Variants in TEX2 observed in about 807,000 individuals in gnomAD.
The protein encoded by TEX2 is testis expressed 2.
In TEX2, 53 loss-of-function variants were observed where a neutral mutation model predicts 106.9. The ratio of observed to expected loss-of-function variants is 0.50; its 90% CI spans 0.40 to 0.62. The LOEUF (loss-of-function observed/expected upper bound fraction) is 0.62, where lower values mean the gene tolerates loss of function less well. Ranked by LOEUF, TEX2 falls within the 20% of genes least tolerant of loss-of-function variation. The pLI is 0.00. For synonymous variants in TEX2, 523 were observed against 534.8 expected (o/e 0.98, Z 0.30); for missense variants, 1,207 against 1,379.0 (o/e 0.88, Z 1.98).
intron 1 of TEX2, among the ~76,000 whole-genome samples, chr17:64,259,929 A>C (rs1404322121): frequency 6.6e-6 from 1 of 152,238 alleles, no homozygotes; most frequent in African/African-American, 2.4e-5. Flanking sequence ...AGGAATGTTA[A>C]CATTACATAA....
Position 64,213,816 on chromosome 17 carries a change from C to G in TEX2, c.402G>C (p.Val134=). Residue 134 remains valine, a synonymous_variant, in exon 2 of 12, where the codon GTG becomes GTC. Transcript: ENST00000584379. This position sits in a 1 kb window ranked among gnomAD's most constrained non-coding sequence, Gnocchi z 4.4. ...GCCCCGACGAAGACGACCCTGGGGA[C>G]ACAGCCAATGGCACTGTACTTAATA... is the stretch of plus-strand genomic sequence containing the variant. ...AQVLSTVPLA[V]SPGSSSSGPL... 2 of 1,614,206 alleles carry G rather than the reference C, an allele frequency of 1.2e-6. No individual in the cohort carries two copies.
At chr17:64,190,639 C>G (rs1431049726) in intron 4 of TEX2, among the ~76,000 whole-genome samples, 1 of 152,186 alleles carries the variant, frequency 6.6e-6, no homozygotes. Flanking sequence ...AGTCAAGGAC[C>G]TTCCTGTGCA....
chr17:64,253,134 T>C (rs892999519), intron 1 of TEX2, among the ~76,000 whole-genome samples: 4 of 152,126 alleles, frequency 2.6e-5, no homozygotes, highest in Admixed American at 1.3e-4. Context: ...TGTGACATGA[T>C]GATGTTAGAA....
intron 1 of TEX2, among the ~76,000 whole-genome samples, chr17:64,216,310 C>T (rs1157996395): frequency 6.6e-6 from 1 of 151,860 alleles, no homozygotes; most frequent in Non-Finnish European, 1.5e-5. Flanking sequence ...TTTATAAGGG[C>T]AATTTAAAAA....
At chr17:64,252,365 T>C (rs1335246697) in intron 1 of TEX2, among the ~76,000 whole-genome samples, 1 of 151,960 alleles carries the variant, frequency 6.6e-6, no homozygotes, top group African/African-American at 2.4e-5. Flanking sequence ...CAGGCTGGAG[T>C]GCAGTGGCAC....
intron 2 of TEX2, among the ~76,000 whole-genome samples, chr17:64,202,459 C>G (rs959286572): frequency 6.6e-6 from 1 of 152,162 alleles, no homozygotes; most frequent in Non-Finnish European, 1.5e-5. Flanking sequence ...CCGGTGCAAA[C>G]CTAATCACCT....
intron 7 of TEX2, among the ~76,000 whole-genome samples, chr17:64,165,535 C>T (rs1216835888): frequency 6.6e-6 from 1 of 152,274 alleles, no homozygotes; most frequent in Admixed American, 6.5e-5. Context: ...ATGGCCCTGC[C>T]TTGGTGCTCA....
intron 8 of TEX2, among the ~76,000 whole-genome samples, chr17:64,157,121 T>C (rs1296164583): frequency 3.9e-5 from 6 of 152,238 alleles, no homozygotes; most frequent in Non-Finnish European, 7.3e-5. Context: ...ATTATAAGTG[T>C]AGCCCAGTGT....
At chr17:64,191,516 AT>A (rs1428644513) in intron 4 of TEX2, among the ~76,000 whole-genome samples, 6 of 152,192 alleles carry the variant, frequency 3.9e-5, no homozygotes, top group Non-Finnish European at 5.9e-5. Flanking sequence ...TAGTAGTCAC[AT>A]TTAAAAATGT....
intron 1 of TEX2, among the ~76,000 whole-genome samples, chr17:64,238,129 G>A (rs762822336): frequency 2.4e-4 from 37 of 151,986 alleles, no homozygotes; most frequent in Non-Finnish European, 1.3e-4. Flanking sequence ...GTGAAACCCC[G>A]TCTCTACTAA....
intron 5 of TEX2, among the ~76,000 whole-genome samples, chr17:64,184,655 G>T (rs1366494899): frequency 6.6e-6 from 1 of 152,104 alleles, no homozygotes; most frequent in Non-Finnish European, 1.5e-5. Context: ...TAGTATCTTA[G>T]CTAAGAAGGT....
chr17:64,193,824 G>A lies in TEX2; in HGVS notation c.1911C>T (p.Ile637=), dbSNP rs144884487. 53 of 1,597,472 alleles carry A rather than the reference G, an allele frequency of 3.3e-5. 1 individual carries two copies. The Middle Eastern group carries it at 5.0e-4, about 15-fold the overall frequency. ...RIWNKKYPIC[I]ELGQQDDFMS... is the part of the protein sequence containing the mutation. ...TAAAGTCATCTTGCTGACCAAGCTC[G>A]ATACAAATGGGGTACTTTTTATTCC... is the stretch of plus-strand genomic sequence containing the variant. Residue 637 remains isoleucine (I), a synonymous_variant, in exon 4 of 12, where the codon ATC becomes ATT. Transcript: ENST00000584379.
rs1432392327 is a variant in TEX2, at chr17:64,185,068, C to G, written c.2424+3100G>C. Among the ~76,000 whole-genome samples the G allele has an allele frequency of 6.6e-6, 1 of 152,148 alleles. No individual in the cohort carries two copies. The highest frequency in any genetic ancestry group is 1.5e-5 in the Non-Finnish European group (1 of 68,036). On this transcript the variant is annotated intron_variant, in intron 5 of 11. Transcript: ENST00000584379. The surrounding 1 kb of genome is among the most constrained non-coding windows in gnomAD (Gnocchi z 4.0). ...GGTTTCTATTTGACTCCTATTTGCT[C>G]TGTAACATTCTCATCTTCTGATAAC... is the stretch of plus-strand genomic sequence containing the variant.
At chr17:64,167,048 C>A (rs2031171662) in intron 7 of TEX2, among the ~76,000 whole-genome samples, 1 of 152,122 alleles carries the variant, frequency 6.6e-6, no homozygotes, top group Admixed American at 6.5e-5. Context: ...AGGAGCACAG[C>A]CAGTTTCTAA....
chr17:64,180,362 T>TG (rs1325769733), intron 5 of TEX2, among the ~76,000 whole-genome samples: 7 of 152,332 alleles, frequency 4.6e-5, no homozygotes, highest in Admixed American at 4.6e-4. Flanking sequence ...TCCAAGCCAA[T>TG]GGCATATGAT....
At chr17:64,209,540 C>G (rs1461842737) in intron 2 of TEX2, among the ~76,000 whole-genome samples, 1 of 152,226 alleles carries the variant, frequency 6.6e-6, no homozygotes, top group Non-Finnish European at 1.5e-5. Context: ...TAGTCTATGA[C>G]AGTTTGCTTG....
chr17:64,167,891 C>A (rs2031213905), intron 7 of TEX2, among the ~76,000 whole-genome samples: 2 of 152,148 alleles, frequency 1.3e-5, no homozygotes, highest in South Asian at 4.1e-4. Context: ...GGCCACGAAG[C>A]TGTGGACCAG....
intron 1 of TEX2, among the ~76,000 whole-genome samples, chr17:64,230,146 T>C (rs1555634441): frequency 6.6e-6 from 1 of 152,198 alleles, no homozygotes; most frequent in Non-Finnish European, 1.5e-5. Context: ...TGTGCATGTA[T>C]GTGTGCACAC....
intron 1 of TEX2, among the ~76,000 whole-genome samples, chr17:64,249,658 T>C (rs2034054895): frequency 6.6e-6 from 1 of 152,232 alleles, no homozygotes; most frequent in Non-Finnish European, 1.5e-5. Context: ...CTACACTTGC[T>C]GCCAAAACAA....
Sources: allele counts gnomAD v4.1 joint callset (sites outside exome capture counted in the v4.1 genomes callset), GRCh38; gene constraint gnomAD v4.1.1; non-coding constraint Gnocchi (gnomAD v3.1); transcripts MANE v1.5; gene names NCBI Gene and HGNC (gene_info 2026-07-23, HGNC 2026-07-21).